SKAP2: variants seen among roughly 807,000 people sequenced by gnomAD.
SKAP2 encodes src kinase-associated phosphoprotein 2.
SKAP2 carries 28 observed loss-of-function variants against 54.9 expected under a neutral mutation model. The observed-to-expected ratio is 0.51, with a 90% confidence interval of 0.38 to 0.70. SKAP2 has a LOEUF of 0.70. SKAP2 is among the 30% of genes least tolerant of loss of function. The pLI, the probability that SKAP2 is intolerant of heterozygous loss-of-function variation, is 0.00. For synonymous variants in SKAP2, 137 were observed against 134.3 expected, an observed-to-expected ratio of 1.02 and a Z score of -0.14; for missense variants, 356 against 424.1, an observed-to-expected ratio of 0.84 and a Z score of 1.41.
intron 1 of SKAP2, among the ~76,000 whole-genome samples, chr7:26,863,749 T>A (rs2128000164): frequency 6.6e-6 from 1 of 152,338 alleles, no homozygotes; most frequent in Non-Finnish European, 1.5e-5. Flanking sequence ...TTTTTTGCTT[T>A]AATATATTAC....
chr7:26,837,471 C>T (rs1784739124), intron 4 of SKAP2, among the ~76,000 whole-genome samples: 1 of 152,152 alleles, frequency 6.6e-6, no homozygotes, highest in African/African-American at 2.4e-5. Context: ...CGGGAGCAGG[C>T]ACAACACACG....
the SKAP2 span, among the ~76,000 whole-genome samples, chr7:26,658,187 C>G: frequency 2.1e-3 from 322 of 152,302 alleles, 2 homozygotes; most frequent in African/African-American, 7.5e-3. Flanking sequence ...CGCTTGTACC[C>G]TGCAGCGGGG....
intron 4 of SKAP2, among the ~76,000 whole-genome samples, chr7:26,809,300 C>A (rs971237511): frequency 6.6e-6 from 1 of 151,862 alleles, no homozygotes; most frequent in Non-Finnish European, 1.5e-5. Flanking sequence ...TGTAATCCCG[C>A]AACTTGGGAG....
intron 4 of SKAP2, among the ~76,000 whole-genome samples, chr7:26,764,742 G>A (rs1485040795): frequency 6.6e-6 from 1 of 151,942 alleles, no homozygotes; most frequent in Non-Finnish European, 1.5e-5. Flanking sequence ...TATCTAACAC[G>A]GGGTTTCACT....
At chr7:26,657,385 C>T in the SKAP2 span, among the ~76,000 whole-genome samples, 5 of 152,130 alleles carry the variant, frequency 3.3e-5, no homozygotes, top group Non-Finnish European at 5.9e-5. Flanking sequence ...CTTCCTGCTT[C>T]CCATCAAAAT....
intron 4 of SKAP2, among the ~76,000 whole-genome samples, chr7:26,745,461 G>T (rs749159904): frequency 6.6e-6 from 1 of 152,160 alleles, no homozygotes; most frequent in African/African-American, 2.4e-5. Context: ...CCTAATAGTT[G>T]GGATACTGAG....
At chr7:26,860,975 GTTTGA>G (rs545134281) in intron 1 of SKAP2, among the ~76,000 whole-genome samples, 82 of 142,348 alleles carry the variant, frequency 5.8e-4, no homozygotes, top group African/African-American at 2.1e-3. Flanking sequence ...GTTTGGTTTG[GTTTGA>G]TTTTTCAGAG....
chr7:26,685,409 A>G lies in SKAP2; in HGVS notation c.875-561T>C, dbSNP rs114324099. On this transcript the variant is annotated intron_variant, in intron 10 of 12. Transcript: ENST00000345317. ...AGACAACAACGTGGAAACGGTATAA[A>G]GAGTAATTGCAGCAATTTTCTTTAG... is the stretch of plus-strand genomic sequence containing the variant. Among the ~76,000 whole-genome samples the G allele has an allele frequency of 5.7e-3, 861 of 152,338 alleles. 6 individuals are homozygous for G. Among genetic ancestry groups the G allele is most frequent in the African/African-American group, 0.02 (821 of 41,582 alleles).
At chr7:26,854,596 C>G (rs1441831291) in intron 2 of SKAP2, among the ~76,000 whole-genome samples, 189 bp downstream of exon 2, 1 of 152,068 alleles carries the variant, frequency 6.6e-6, no homozygotes, top group East Asian at 1.9e-4. Context: ...AAGAAGGGTA[C>G]TATGATAAGC....
Position 26,787,879 on chromosome 7 carries a change from C to T in SKAP2, c.308-47915G>A, listed in dbSNP as rs182296482. On this transcript the variant is annotated intron_variant, in intron 4 of 12. Coordinates refer to ENST00000345317, the MANE Select transcript of SKAP2 (RefSeq NM_003930.5). The stretch of plus-strand genomic sequence containing the variant: ...ATTTCTTTTTCTTTTTCTTTTTAAC[C>T]GAGTCTCGCTCTGTCGCCCAGACTG... 9.2e-5 allele frequency among the ~76,000 whole-genome samples: 14 copies of T among 151,984 alleles called. No individual in the cohort carries two copies. In the East Asian group the frequency reaches 1.4e-3, roughly 15 times the overall value.
intron 9 of SKAP2, among the ~76,000 whole-genome samples, chr7:26,709,199 C>T (rs1787240599): frequency 6.6e-6 from 1 of 151,994 alleles, no homozygotes; most frequent in Non-Finnish European, 1.5e-5. Flanking sequence ...GCTAGGTTTC[C>T]AGGAAGAACT....
chr7:26,680,532 T>C (rs1786468107), intron 11 of SKAP2, among the ~76,000 whole-genome samples: 2 of 152,234 alleles, frequency 1.3e-5, no homozygotes, highest in South Asian at 4.1e-4. Context: ...GTTAATTCAC[T>C]AACAATACAA....
At chr7:26,762,152 G>T (rs1315150551) in intron 4 of SKAP2, among the ~76,000 whole-genome samples, 1 of 151,890 alleles carries the variant, frequency 6.6e-6, no homozygotes, top group African/African-American at 2.4e-5. Flanking sequence ...AACATCTATT[G>T]CAGCTACTCG....
At chr7:26,753,947 C>T (rs1454170916) in intron 4 of SKAP2, among the ~76,000 whole-genome samples, 1 of 152,102 alleles carries the variant, frequency 6.6e-6, no homozygotes, top group Non-Finnish European at 1.5e-5. Flanking sequence ...CAATTACTAA[C>T]ACTCCCATTC....
intron 9 of SKAP2, among the ~76,000 whole-genome samples, chr7:26,713,455 C>T (rs6972378): frequency 0.82 from 124,146 of 152,120 alleles, 51,264 homozygotes; most frequent in African/African-American, 0.95. Flanking sequence ...AATAAGATGA[C>T]ATGAGGAGAA....
rs139675291 is a variant in SKAP2 at position 26,792,185 on chromosome 7, G to A, written c.307+51845C>T. Among the ~76,000 whole-genome samples the A allele has an allele frequency of 2.0e-5, 3 of 152,314 alleles. No individual in the cohort carries two copies. In the East Asian group the frequency reaches 5.8e-4, roughly 29 times the overall value. On this transcript the variant is annotated intron_variant, in intron 4 of 12. Transcript: ENST00000345317. Reference sequence around the variant, plus strand: ...CAGATAAGTGGTTGCCAGGGGCTGGGTGTGGAGGCAGGGTACTGATGGCAA... The same window carrying A: ...CAGATAAGTGGTTGCCAGGGGCTGGATGTGGAGGCAGGGTACTGATGGCAA...
chr7:26,821,625 T>C (rs1434782081), intron 4 of SKAP2, among the ~76,000 whole-genome samples: 1 of 152,172 alleles, frequency 6.6e-6, no homozygotes, highest in Non-Finnish European at 1.5e-5. Flanking sequence ...CTTAAATATC[T>C]TTGACTGGAT....
At chr7:26,757,947 G>C (rs1440503212) in intron 4 of SKAP2, among the ~76,000 whole-genome samples, 1 of 152,178 alleles carries the variant, frequency 6.6e-6, no homozygotes, top group Non-Finnish European at 1.5e-5. Context: ...ATTTTTAATA[G>C]AGACAGGGTT....
chr7:26,737,210 C>T (rs971547600), intron 6 of SKAP2, among the ~76,000 whole-genome samples: 5 of 152,242 alleles, frequency 3.3e-5, no homozygotes, highest in South Asian at 2.1e-4. Flanking sequence ...GGTAGTATCT[C>T]GATCTAAATT....
Sources: allele counts gnomAD v4.1 joint callset (sites outside exome capture counted in the v4.1 genomes callset), GRCh38; gene constraint gnomAD v4.1.1; transcripts MANE v1.5; gene names NCBI Gene and HGNC (gene_info 2026-07-23, HGNC 2026-07-21).